DLC1: variants seen among roughly 807,000 people sequenced by gnomAD.
DLC1 encodes the protein rho GTPase-activating protein 7.
In DLC1, 54 loss-of-function variants were observed where a neutral mutation model predicts 140.3. The ratio of observed to expected loss-of-function variants is 0.38; its 90% confidence interval spans 0.31 to 0.48. The LOEUF (loss-of-function observed/expected upper bound fraction) is 0.48. Ranked by LOEUF, DLC1 falls within the 20% of genes least tolerant of loss-of-function variation. The pLI is 0.96. For synonymous variants in DLC1, 986 were observed against 728.1 expected, an observed-to-expected ratio of 1.35 and a Z score of -5.70; for missense variants, 2,536 against 1,907.0, an observed-to-expected ratio of 1.33 and a Z score of -6.14.
intron 1 of DLC1, among the ~76,000 whole-genome samples, chr8:13,531,584 AAAAC>A (rs1429795262): frequency 2.7e-5 from 4 of 150,654 alleles, no homozygotes; most frequent in Non-Finnish European, 4.4e-5. Flanking sequence ...AGACTGTCTA[AAAAC>A]AAACAAACCA....
intron 2 of DLC1, among the ~76,000 whole-genome samples, chr8:13,405,876 TTTC>T (rs1019460520): frequency 5.3e-5 from 8 of 150,684 alleles, no homozygotes; most frequent in African/African-American, 1.7e-4. Flanking sequence ...TCTTTTCTTT[TTTC>T]TTTTCTTTTC....
intron 5 of DLC1, among the ~76,000 whole-genome samples, chr8:13,165,180 T>G (rs1270319699): frequency 6.6e-6 from 1 of 152,208 alleles, no homozygotes; most frequent in East Asian, 1.9e-4. Flanking sequence ...TGATATATAA[T>G]GAAAGAATTA....
At chr8:13,103,264 T>C (rs950163833) in intron 7 of DLC1, among the ~76,000 whole-genome samples, 8 of 151,796 alleles carry the variant, frequency 5.3e-5, no homozygotes, top group African/African-American at 1.9e-4. Context: ...TGAGCCAAGA[T>C]AGCGCCACTG....
At chr8:13,197,414 TCTC>T (rs1827130705) in intron 5 of DLC1, among the ~76,000 whole-genome samples, 1 of 152,064 alleles carries the variant, frequency 6.6e-6, no homozygotes, top group South Asian at 2.1e-4. Flanking sequence ...AGTGGCGTGA[TCTC>T]GGCTCACTGC....
chr8:13,546,275 C>T (rs1475403586), intron 1 of DLC1, among the ~76,000 whole-genome samples: 1 of 151,894 alleles, frequency 6.6e-6, no homozygotes, highest in African/African-American at 2.4e-5. Flanking sequence ...AATTTAATGT[C>T]CAAGCATTAA....
chr8:13,222,065 C>A (rs1828584423), intron 5 of DLC1, among the ~76,000 whole-genome samples: 1 of 150,412 alleles, frequency 6.6e-6, no homozygotes, highest in African/African-American at 2.4e-5. Context: ...GAAATTCTGA[C>A]TTCTAAGAAG....
At chr8:13,352,233 G>A (rs1252963578) in intron 4 of DLC1, among the ~76,000 whole-genome samples, 2 of 152,186 alleles carry the variant, frequency 1.3e-5, no homozygotes, top group African/African-American at 2.4e-5. Flanking sequence ...CGGCCCTCTC[G>A]GCCTCACCGT....
chr8:13,352,460 T>C (rs539591771), intron 4 of DLC1, among the ~76,000 whole-genome samples: 2 of 152,306 alleles, frequency 1.3e-5, no homozygotes, highest in East Asian at 3.9e-4. Flanking sequence ...CAGCTTACTG[T>C]AGCCTTGACC....
At chr8:13,318,460 T>C (rs1832947003) in intron 4 of DLC1, among the ~76,000 whole-genome samples, 1 of 152,236 alleles carries the variant, frequency 6.6e-6, no homozygotes, top group Admixed American at 6.5e-5. Flanking sequence ...TAAGTGTCCA[T>C]GTCAAGTTTT....
chr8:13,353,542 A>T (rs1328137579), intron 4 of DLC1: 1 of 152,138 alleles, frequency 6.6e-6, no homozygotes, highest in African/African-American at 2.4e-5. Flanking sequence ...TCTGTAAAAG[A>T]CTTCACTGTT....
chr8:13,361,056 C>A (rs181860496), intron 4 of DLC1, among the ~76,000 whole-genome samples: 4 of 152,004 alleles, frequency 2.6e-5, no homozygotes, highest in African/African-American at 9.7e-5. Context: ...CATGGCGAAA[C>A]CCTGTCTCTA....
chr8:13,519,661 C>G (rs548849664), upstream of DLC1, among the ~76,000 whole-genome samples: 1 of 152,084 alleles, frequency 6.6e-6, no homozygotes, highest in Admixed American at 6.6e-5. Context: ...ATCATATAAG[C>G]TCTCCAAAAC....
chr8:13,183,280 C>T (rs1337415903), intron 5 of DLC1, among the ~76,000 whole-genome samples: 5 of 152,156 alleles, frequency 3.3e-5, no homozygotes, highest in African/African-American at 1.2e-4. Context: ...ATTTGACTTC[C>T]TCATTCCCTA....
chr8:13,188,259 G>C (rs1585870333), intron 5 of DLC1, among the ~76,000 whole-genome samples: 1 of 150,578 alleles, frequency 6.6e-6, no homozygotes, highest in Non-Finnish European at 1.5e-5. Flanking sequence ...TTTTTGTATT[G>C]TTAGTAGAGA....
intron 5 of DLC1, among the ~76,000 whole-genome samples, chr8:13,296,791 C>T (rs1051662286): frequency 2.6e-4 from 40 of 151,620 alleles, no homozygotes; most frequent in Non-Finnish European, 5.9e-5. Context: ...CATGAAATGC[C>T]ATAATAAATA....
chr8:13,540,601 G>A (rs1011957737), intron 1 of DLC1, among the ~76,000 whole-genome samples: 2 of 152,180 alleles, frequency 1.3e-5, no homozygotes, highest in African/African-American at 4.8e-5. Flanking sequence ...TTTCCTACAA[G>A]TATTGTTCAA....
At chr8:13,213,618 G>C (rs900059816) in intron 5 of DLC1, among the ~76,000 whole-genome samples, 12 of 152,148 alleles carry the variant, frequency 7.9e-5, no homozygotes, top group Non-Finnish European at 1.2e-4. Flanking sequence ...CCACATAGCA[G>C]CTTCCTTTTC....
chr8:13,569,110 T>C (rs1804554518), intron 1 of DLC1, among the ~76,000 whole-genome samples: 1 of 152,200 alleles, frequency 6.6e-6, no homozygotes, highest in South Asian at 2.1e-4. Context: ...TACCATGGCA[T>C]TTTGAAAACA....
Position 13,100,428 on chromosome 8 carries a change from A to C in DLC1, c.1909T>G (p.Phe637Val), listed in dbSNP as rs1304097061. The part of the protein sequence containing the change: ...SSNLAGNDDS[F>V]GSLPSPKELS... ...TCCTTGGGAGAGGGCAGGCTGCCGA[A>C]AGAGTCGTCATTGCCTGCCAAGTTG... Residue 637 changes from phenylalanine (F) to valine (V), a missense_variant, in exon 9 of 18, where the codon TTC (phenylalanine) becomes GTC (valine). Transcript: ENST00000276297. 6.2e-7 allele frequency: 1 copy of C among 1,614,106 alleles called. No individual in the cohort carries two copies. Among genetic ancestry groups the C allele is most frequent in the Non-Finnish European group, 8.5e-7 (1 of 1,180,040 alleles).
Sources: gnomAD v4.1 joint callset for allele counts (sites outside exome capture counted in the v4.1 genomes callset) on GRCh38, gnomAD v4.1.1 for gene constraint, MANE v1.5 for transcripts, NCBI Gene and HGNC (gene_info 2026-07-23, HGNC 2026-07-21) for gene names.